Variants in THSD7B observed in about 807,000 individuals in gnomAD.
The protein encoded by THSD7B is thrombospondin type-1 domain-containing protein 7B.
In THSD7B, 138 loss-of-function variants were observed where a neutral mutation model predicts 213.6. That is an observed-to-expected ratio of 0.65 (90% CI 0.56 to 0.74). The LOEUF is 0.74. Among genes scored for constraint, THSD7B ranks in the 30% least tolerant of loss-of-function variants. The pLI, the probability that THSD7B is intolerant of heterozygous loss-of-function variation, is 0.00. For synonymous variants in THSD7B, 742 were observed against 687.0 expected, an observed-to-expected ratio of 1.08 and a Z score of -1.25; for missense variants, 1,931 against 1,991.5, an observed-to-expected ratio of 0.97 and a Z score of 0.58.
At chr2:137,493,591 T>G (rs1679485162) in intron 15 of THSD7B, among the ~76,000 whole-genome samples, 1 of 152,204 alleles carries the variant, frequency 6.6e-6, no homozygotes, top group Admixed American at 6.5e-5. Flanking sequence ...AAAGAATGCC[T>G]GGTGGTAAAG....
chr2:137,514,054 G>A (rs938062744), intron 15 of THSD7B, among the ~76,000 whole-genome samples: 10 of 151,910 alleles, frequency 6.6e-5, no homozygotes, highest in African/African-American at 2.4e-4. Context: ...TTTCCCACTA[G>A]ATATCAATTG....
At chr2:137,577,077 T>C (rs1681479773) in intron 17 of THSD7B, among the ~76,000 whole-genome samples, 1 of 152,104 alleles carries the variant, frequency 6.6e-6, no homozygotes, top group African/African-American at 2.4e-5. Flanking sequence ...TTCTTTTCTT[T>C]GATTCAAGCT....
intron 15 of THSD7B, among the ~76,000 whole-genome samples, chr2:137,471,306 C>G (rs1487449029): frequency 6.6e-6 from 1 of 152,130 alleles, no homozygotes; most frequent in Non-Finnish European, 1.5e-5. Context: ...AAATACACAT[C>G]CACATTTCAT....
chr2:137,445,847 G>T (rs1687525299), intron 14 of THSD7B, among the ~76,000 whole-genome samples: 1 of 151,776 alleles, frequency 6.6e-6, no homozygotes, highest in Non-Finnish European at 1.5e-5. Context: ...TTGCATGCTT[G>T]TATCAAAATA....
intron 5 of THSD7B, among the ~76,000 whole-genome samples, chr2:137,155,356 G>C (rs1258709826): frequency 6.6e-6 from 1 of 152,108 alleles, no homozygotes; most frequent in Admixed American, 6.5e-5. Context: ...GGAGGAAGTG[G>C]GATAGCACAG....
intron 7 of THSD7B, among the ~76,000 whole-genome samples, chr2:137,197,568 A>G (rs532894552): frequency 2.6e-4 from 40 of 152,234 alleles, no homozygotes; most frequent in African/African-American, 9.2e-4. Flanking sequence ...GACCCTGTGA[A>G]ATGGGCTACT....
intron 2 of THSD7B, among the ~76,000 whole-genome samples, chr2:136,983,475 T>C (rs1685622388): frequency 6.7e-6 from 1 of 150,036 alleles, no homozygotes; most frequent in Admixed American, 6.7e-5. Context: ...GAGTTGACAA[T>C]ACTTCAGCTA....
intron 12 of THSD7B, among the ~76,000 whole-genome samples, chr2:137,358,785 T>C (rs906544566): frequency 6.6e-6 from 1 of 152,160 alleles, no homozygotes. Flanking sequence ...AGAAGGCGCT[T>C]AGTGAATTCT....
intron 15 of THSD7B, among the ~76,000 whole-genome samples, chr2:137,529,003 GTAAT>G (rs1332982754): frequency 2.0e-5 from 3 of 152,052 alleles, no homozygotes; most frequent in African/African-American, 7.2e-5. Flanking sequence ...TTTCATACAT[GTAAT>G]TATTTTCACT....
At chr2:137,560,355 A>G (rs941501129) in intron 15 of THSD7B, among the ~76,000 whole-genome samples, 1 of 152,218 alleles carries the variant, frequency 6.6e-6, no homozygotes, top group Non-Finnish European at 1.5e-5. Flanking sequence ...AATGTGGCAC[A>G]TATACACCAT....
intron 2 of THSD7B, among the ~76,000 whole-genome samples, chr2:136,900,487 C>A (rs1433831955): frequency 6.6e-6 from 1 of 151,998 alleles, no homozygotes; most frequent in African/African-American, 2.4e-5. Flanking sequence ...ACAACAAAAT[C>A]TCTTTGTATT....
rs1282351036 is a variant in THSD7B at position 137,125,539 on chromosome 2, T to C, written c.1369+10246T>C. On this transcript the variant is annotated intron_variant, in intron 5 of 27. Coordinates refer to ENST00000409968, the MANE Select transcript of THSD7B (RefSeq NM_001316349.2). Reference sequence around the variant, plus strand: ...TCTCTTGCTATTTCTACCACATGTGTAGTTACTTATTCCACTGAAATCTTG... The same window carrying C: ...TCTCTTGCTATTTCTACCACATGTGCAGTTACTTATTCCACTGAAATCTTG... 2.0e-5 allele frequency among the ~76,000 whole-genome samples: 3 copies of C among 152,174 alleles called. No individual in the cohort carries two copies. The East Asian group carries it at 5.8e-4, about 29-fold the overall frequency.
intron 5 of THSD7B, among the ~76,000 whole-genome samples, chr2:137,131,694 A>G (rs1688735482): frequency 6.6e-6 from 1 of 152,144 alleles, no homozygotes; most frequent in African/African-American, 2.4e-5. Flanking sequence ...AGTTGTAGAT[A>G]TGCAGCGTTA....
intron 1 of THSD7B, among the ~76,000 whole-genome samples, chr2:136,785,617 C>G (rs148030512): frequency 6.6e-6 from 1 of 152,278 alleles, no homozygotes; most frequent in East Asian, 1.9e-4. Flanking sequence ...AATCGGCAAA[C>G]CCAAAAGTAA....
At chr2:137,110,540 AGG>A (rs911802698) in intron 4 of THSD7B, among the ~76,000 whole-genome samples, 2 of 152,226 alleles carry the variant, frequency 1.3e-5, no homozygotes, top group African/African-American at 4.8e-5. Context: ...CACTCAAAGT[AGG>A]GACATCAGAG....
At chr2:137,171,230 T>A (rs1167155729) in intron 7 of THSD7B, among the ~76,000 whole-genome samples, 1 of 152,200 alleles carries the variant, frequency 6.6e-6, no homozygotes, top group Non-Finnish European at 1.5e-5. Context: ...AACAAATCTC[T>A]TGGATAGTGT....
chr2:137,392,982 G>C (rs764353128), intron 12 of THSD7B, among the ~76,000 whole-genome samples: 10 of 151,700 alleles, frequency 6.6e-5, no homozygotes, highest in African/African-American at 9.7e-5. Context: ...CCATGTTTAG[G>C]AATCCTAAAG....
chr2:137,397,551 C>T (rs1686225403), intron 12 of THSD7B, among the ~76,000 whole-genome samples: 1 of 151,602 alleles, frequency 6.6e-6, no homozygotes, highest in Non-Finnish European at 1.5e-5. Context: ...GTCTGATGGG[C>T]TTCCCTTTGA....
At chr2:137,225,955 T>TA (rs1012907171) in intron 7 of THSD7B, among the ~76,000 whole-genome samples, 1 of 151,770 alleles carries the variant, frequency 6.6e-6, no homozygotes, top group African/African-American at 2.4e-5. Flanking sequence ...CTTAGCTGGT[T>TA]AGGGTCTCAA....
Sources: allele counts gnomAD v4.1 joint callset (sites outside exome capture counted in the v4.1 genomes callset), GRCh38; gene constraint gnomAD v4.1.1; transcripts MANE v1.5; gene names NCBI Gene and HGNC (gene_info 2026-07-23, HGNC 2026-07-21).